Variants in UIMC1 observed in about 807,000 individuals in gnomAD.
The protein encoded by UIMC1 is ubiquitin interaction motif containing 1, also known as BRCA1-A complex subunit RAP80.
Under a neutral mutation model 84.9 loss-of-function variants are expected in UIMC1, and 42 were observed. The ratio of observed to expected loss-of-function variants is 0.49; its 90% CI spans 0.39 to 0.64. UIMC1 has a LOEUF of 0.64. Among genes scored for constraint, UIMC1 ranks in the 30% least tolerant of loss-of-function variants. UIMC1 has a pLI of 0.00. For missense variants in UIMC1, 825 were observed against 847.6 expected (o/e 0.97, Z 0.33); for synonymous variants, 281 against 293.0 (o/e 0.96, Z 0.42).
chr5:176,991,420 G>C (rs1291904289), intron 1 of UIMC1, among the ~76,000 whole-genome samples: 1 of 151,918 alleles, frequency 6.6e-6, no homozygotes, highest in Non-Finnish European at 1.5e-5. Flanking sequence ...GACAACTGAG[G>C]GGAAAGAATA....
intron 1 of UIMC1, among the ~76,000 whole-genome samples, chr5:176,983,407 G>A (rs940664756): frequency 2.0e-5 from 3 of 151,638 alleles, no homozygotes; most frequent in African/African-American, 7.3e-5. Flanking sequence ...ACTGGTTTTT[G>A]TATTTTTGGT....
chr5:177,007,430 C>T (rs1775401830), upstream of UIMC1, among the ~76,000 whole-genome samples: 2 of 151,536 alleles, frequency 1.3e-5, no homozygotes, highest in African/African-American at 4.9e-5. Context: ...AGGAGGCCAG[C>T]TTCCTGGCGG....
intron 9 of UIMC1, among the ~76,000 whole-genome samples, chr5:176,947,065 A>G (rs1236615413): frequency 1.3e-5 from 2 of 152,186 alleles, no homozygotes; most frequent in East Asian, 3.9e-4. Context: ...CCACAGCTCT[A>G]TACAATGCAG....
intron 8 of UIMC1, among the ~76,000 whole-genome samples, chr5:176,952,055 A>G (rs1402423255): frequency 6.6e-6 from 1 of 152,236 alleles, no homozygotes; most frequent in East Asian, 1.9e-4. Flanking sequence ...AGATGGACCC[A>G]TGTCGTCACA....
In UIMC1 at chr5:176,956,011, T is replaced by C. The variant is rs1487401714; in HGVS notation, c.1287A>G (p.Arg429=). ...SQSVAALTSK[R]SLVLMPESSA... is the part of the protein sequence containing the mutation. The stretch of plus-strand genomic sequence containing the variant: ...AACTCTCTGGCATAAGGACTAAGCT[T>C]CTCTTACTGGTCAAAGCAGCAACAC... Residue 429 remains arginine (R), a synonymous_variant, in exon 8 of 15, where the codon AGA becomes AGG. Coordinates refer to ENST00000511320, the MANE Select transcript of UIMC1 (RefSeq NM_001199298.2). 1 of 1,613,642 alleles carries C rather than the reference T, an allele frequency of 6.2e-7. No individual in the cohort carries two copies. The highest frequency in any genetic ancestry group is 8.5e-7 in the Non-Finnish European group (1 of 1,179,778).
Position 176,943,561 on chromosome 5 carries a change from T to A in UIMC1, c.1444-73A>T. On this transcript the variant is annotated intron_variant, in intron 9 of 14. Coordinates refer to ENST00000511320, the MANE Select transcript of UIMC1 (RefSeq NM_001199298.2). ...TTCCCTACAACGAACTGCAAGAGACTCCACCCCATATTTCACTTACTTTCA... is the reference window on the plus strand; with the variant it reads ...TTCCCTACAACGAACTGCAAGAGACACCACCCCATATTTCACTTACTTTCA... The A allele has an allele frequency of 6.5e-7, 1 of 1,529,914 alleles. No individual in the cohort carries two copies. The highest frequency in any genetic ancestry group is 1.4e-5 in the African/African-American group (1 of 72,260). The allele number at this position is 1,529,914 out of a possible 1,614,324, so 94.8% of individuals were successfully genotyped here.
At chr5:176,988,095 G>C (rs1373812983) in intron 1 of UIMC1, among the ~76,000 whole-genome samples, 1 of 135,932 alleles carries the variant, frequency 7.4e-6, no homozygotes, top group Non-Finnish European at 1.5e-5. Context: ...CCGTGCCACA[G>C]CACTCCAGCC....
At chr5:176,934,302 C>T (rs1476796077) in intron 10 of UIMC1, among the ~76,000 whole-genome samples, 1 of 152,150 alleles carries the variant, frequency 6.6e-6, no homozygotes, top group Non-Finnish European at 1.5e-5. Context: ...AAATTTAGAA[C>T]TGCCTTAATT....
At chr5:176,969,323 G>A in intron 5 of UIMC1, 32 bp from the exon 6 acceptor site, 1 of 1,562,338 alleles carries the variant, frequency 6.4e-7, no homozygotes, top group Non-Finnish European at 8.6e-7. Context: ...TAGGGCTAAG[G>A]ACAAACTTTT....
At chr5:176,926,749 T>TA (rs923167551) in intron 10 of UIMC1, among the ~76,000 whole-genome samples, 1 of 151,874 alleles carries the variant, frequency 6.6e-6, no homozygotes, top group Non-Finnish European at 1.5e-5. Flanking sequence ...TCCATATATG[T>TA]AAAAAATATA....
At position 176,969,101 on chromosome 5, in the gene UIMC1, G is replaced by C; in HGVS notation, c.654C>G (p.Asp218Glu). Residue 218 changes from aspartate to glutamate, a missense_variant, in exon 6 of 15, where the codon GAC becomes GAG. Asp to Glu is a conservative substitution (Grantham distance 45, BLOSUM62 2). Coordinates refer to ENST00000511320, the MANE Select transcript of UIMC1 (RefSeq NM_001199298.2). The part of the protein sequence containing the change: ...VFENVNVKSF[D>E]RCTGHSAEHT... ...GCTCAGCCGAGTGGCCAGTACATCT[G>C]TCAAAAGATTTAACGTTCACATTCT... is the stretch of plus-strand genomic sequence containing the variant. 1 of 1,614,176 alleles carries C rather than the reference G, an allele frequency of 6.2e-7. No individual in the cohort carries two copies. Among genetic ancestry groups the C allele is most frequent in the South Asian group, 1.1e-5 (1 of 91,084 alleles).
At chr5:176,956,554 A>G (rs1766623063) in intron 7 of UIMC1, among the ~76,000 whole-genome samples, 1 of 152,194 alleles carries the variant, frequency 6.6e-6, no homozygotes, top group African/African-American at 2.4e-5. Flanking sequence ...TACAGCAAAA[A>G]TCTGCCCACA....
intron 10 of UIMC1, among the ~76,000 whole-genome samples, chr5:176,942,226 A>G (rs1489246561): frequency 3.4e-5 from 5 of 148,310 alleles, no homozygotes; most frequent in Admixed American, 6.6e-5. Context: ...TAAATTAGTG[A>G]TATTTTTCAG....
intron 8 of UIMC1, among the ~76,000 whole-genome samples, chr5:176,955,296 A>G (rs968783772): frequency 3.9e-5 from 6 of 152,212 alleles, no homozygotes; most frequent in Non-Finnish European, 7.3e-5. Context: ...TACAATTAAC[A>G]AAAAGCAAAC....
rs145094532 is a variant in UIMC1, at chr5:176,918,992, G to A, written c.1598-7603C>T. On this transcript the variant is annotated intron_variant, in intron 10 of 14. Transcript: ENST00000511320. ...GCAATCTTGACATATTTTCCTAGTC[G>A]GTTCATTCTTCCATCCTCCCAGGTA... 1.6e-4 allele frequency among the ~76,000 whole-genome samples: 24 copies of A among 152,180 alleles called. No individual in the cohort carries two copies. In the East Asian group the frequency reaches 4.2e-3, roughly 27 times the overall value.
chr5:176,969,166 T>C lies in UIMC1; in HGVS notation c.589A>G (p.Ser197Gly). ...EKTEEEPVSG[S>G]SGSWDQSSQP... is the part of the protein sequence containing the mutation. ...CTTGACTGGTCCCAGCTTCCTGAGC[T>C]GCCAGAGACCGGCTCCTCTTCAGTT... The change falls in exon 6 of 15, where the codon AGC (serine) becomes GGC (glycine). Residue 197 changes from serine (S) to glycine (G), a missense_variant. Transcript: ENST00000511320. 1 of 1,614,226 alleles carries C rather than the reference T, an allele frequency of 6.2e-7. No homozygotes were observed. The highest frequency in any genetic ancestry group is 1.1e-5 in the South Asian group (1 of 91,090).
intron 1 of UIMC1, among the ~76,000 whole-genome samples, chr5:176,999,825 A>G (rs759451217): frequency 1.3e-5 from 2 of 152,152 alleles, no homozygotes; most frequent in African/African-American, 2.4e-5. Flanking sequence ...GATTGATTCC[A>G]TATCTTGGCT....
chr5:176,987,425 C>T (rs978355020), intron 1 of UIMC1, among the ~76,000 whole-genome samples: 25 of 151,902 alleles, frequency 1.6e-4, no homozygotes, highest in African/African-American at 5.8e-4. Flanking sequence ...GCTGGTGTAT[C>T]ACTCGAGGTG....
chr5:176,943,619 T>TA, intron 9 of UIMC1, 131 bp from the exon 10 acceptor site: 1 of 1,178,052 alleles, frequency 8.5e-7, no homozygotes, highest in East Asian at 2.4e-5. Flanking sequence ...AATTCAGGAG[T>TA]AAAGATTGAG....
Sources: allele counts gnomAD v4.1 joint callset (sites outside exome capture counted in the v4.1 genomes callset), GRCh38; gene constraint gnomAD v4.1.1; transcripts MANE v1.5; gene names NCBI Gene and HGNC (gene_info 2026-07-23, HGNC 2026-07-21).